Variants in BIRC2 observed in about 807,000 individuals in gnomAD.
BIRC2 encodes the protein baculoviral IAP repeat containing 2.
Under a neutral mutation model 60.9 loss-of-function variants are expected in BIRC2, and 18 were observed. The observed-to-expected ratio is 0.30, with a 90% CI of 0.20 to 0.44. The LOEUF (loss-of-function observed/expected upper bound fraction) is 0.44, where lower values mean the gene tolerates loss of function less well. Ranked by LOEUF, BIRC2 falls within the 20% of genes least tolerant of loss-of-function variation. BIRC2 has a pLI of 1.00. For missense variants in BIRC2, 701 were observed against 728.5 expected (o/e 0.96, Z 0.43); for synonymous variants, 282 against 247.7 (o/e 1.14, Z -1.30).
chr11:102,363,079 T>A, intron 4 of BIRC2, 105 bp downstream of exon 4: 1 of 809,186 alleles, frequency 1.2e-6, no homozygotes, highest in Non-Finnish European at 2.0e-6. Flanking sequence ...TTGAAAGTCA[T>A]GGCCAAAACC....
At chr11:102,376,485 G>C (rs1245939285) in intron 6 of BIRC2, among the ~76,000 whole-genome samples, 1 of 152,156 alleles carries the variant, frequency 6.6e-6, no homozygotes, top group Non-Finnish European at 1.5e-5. Flanking sequence ...ATAGGCTTCT[G>C]TTTTTATAAT....
At chr11:102,355,350 A>G (rs1411248623) in intron 3 of BIRC2, among the ~76,000 whole-genome samples, 2 of 152,158 alleles carry the variant, frequency 1.3e-5, no homozygotes, top group African/African-American at 4.8e-5. Context: ...CAGTTTTCCC[A>G]ACACCGTTTG....
intron 5 of BIRC2, among the ~76,000 whole-genome samples, chr11:102,367,767 C>G (rs907927723): frequency 1.3e-5 from 2 of 152,274 alleles, no homozygotes; most frequent in African/African-American, 2.4e-5. Context: ...TTCACTACAT[C>G]TTCTGGGTGA....
At chr11:102,369,539 C>T (rs1329474439) in intron 6 of BIRC2, among the ~76,000 whole-genome samples, 2 of 148,574 alleles carry the variant, frequency 1.3e-5, no homozygotes, top group African/African-American at 5.0e-5. Flanking sequence ...GTATATGTGC[C>T]ACATTTTCTT....
rs1951346526 is a variant in BIRC2 at position 102,350,510 on chromosome 11, C to G, written c.656C>G (p.Ala219Gly). The G allele has an allele frequency of 6.2e-7, 1 of 1,614,182 alleles. No homozygotes were observed. Among genetic ancestry groups the G allele is most frequent in the Admixed American group, 1.7e-5 (1 of 60,012 alleles). ...TATATAGGACCTGGAGATAGGGTAG[C>G]CTGCTTTGCCTGTGGTGGGAAGCTC... ...FYYIGPGDRV[A>G]CFACGGKLSN... is the part of the protein sequence containing the mutation. The change falls in exon 2 of 9, where the codon GCC (alanine) becomes GGC (glycine). Residue 219 changes from alanine to glycine, a missense_variant. Ala to Gly is a moderately conservative substitution (Grantham distance 60, BLOSUM62 0). Around this residue, in one of 4 missense-constraint regions of BIRC2, gnomAD observed 375 missense variants for 365.9 expected, o/e 1.02. Transcript: ENST00000227758.
At chr11:102,351,304 T>TA (rs1228501462) in intron 3 of BIRC2, among the ~76,000 whole-genome samples, 1 of 152,124 alleles carries the variant, frequency 6.6e-6, no homozygotes, top group Non-Finnish European at 1.5e-5. Flanking sequence ...AAGTCAAATG[T>TA]AAAAGTCCAT....
chr11:102,353,348 CAG>C (rs1359022341), intron 3 of BIRC2, among the ~76,000 whole-genome samples: 1 of 151,966 alleles, frequency 6.6e-6, no homozygotes, highest in Admixed American at 6.5e-5. Flanking sequence ...TTTTTTGAGA[CAG>C]TGTCTCATTC....
Position 102,349,748 on chromosome 11 carries a change from T to G in BIRC2, c.-107T>G. 2 of 1,165,882 alleles carry G rather than the reference T, an allele frequency of 1.7e-6. No homozygotes were observed. Among genetic ancestry groups the G allele is most frequent in the East Asian group, 2.4e-5 (1 of 41,490 alleles). The allele number at this position is 1,165,882 out of a possible 1,614,324, so 72.2% of individuals were successfully genotyped here. A position where few individuals can be genotyped will look rare whatever the true frequency, so the allele number is the denominator to read the frequency against. On this transcript the variant is annotated 5_prime_UTR_variant, in exon 2 of 9. In the 5' UTR this introduces an upstream ATG that the reference lacks. Transcript: ENST00000227758. ...ATCCAGTAAAGAAAGTGTAGTAAAT[T>G]CTACATAAGAGTCTATCATTGATTT...
intron 6 of BIRC2, among the ~76,000 whole-genome samples, chr11:102,372,628 A>G (rs538478953): frequency 2.1e-5 from 3 of 143,238 alleles, no homozygotes; most frequent in East Asian, 2.0e-4. Flanking sequence ...TGGTGCTGAA[A>G]AAAATGTATA....
chr11:102,372,050 TTC>T (rs1471054187), intron 6 of BIRC2, among the ~76,000 whole-genome samples: 2 of 152,228 alleles, frequency 1.3e-5, no homozygotes, highest in East Asian at 1.9e-4. Flanking sequence ...TATTTGATTC[TTC>T]TCTCTTTTCT....
intron 3 of BIRC2, among the ~76,000 whole-genome samples, chr11:102,353,366 C>G (rs962610433): frequency 1.3e-5 from 2 of 152,132 alleles, no homozygotes; most frequent in Admixed American, 1.3e-4. Flanking sequence ...CATTCCATCA[C>G]CTATCACTGC....
intron 3 of BIRC2, among the ~76,000 whole-genome samples, chr11:102,360,245 T>C (rs1238009343): frequency 6.6e-6 from 1 of 152,186 alleles, no homozygotes; most frequent in Non-Finnish European, 1.5e-5. Flanking sequence ...GGATTACAGG[T>C]GTGAGCCATC....
chr11:102,362,994 T>G lies in BIRC2; in HGVS notation c.1074+20T>G. On this transcript the variant is annotated intron_variant, in intron 4 of 8. Coordinates refer to ENST00000227758, the MANE Select transcript of BIRC2 (RefSeq NM_001166.5). ...GAACAGGTAAATACATTTTTAAAAT[T>G]AACAACATTGAATTCTGCTTTATAA... 1.3e-6 allele frequency: 2 copies of G among 1,526,346 alleles called. No individual in the cohort carries two copies. Among genetic ancestry groups the G allele is most frequent in the African/African-American group, 1.4e-5 (1 of 73,116 alleles). The allele number at this position is 1,526,346 out of a possible 1,614,324, so 94.6% of individuals were successfully genotyped here.
chr11:102,355,727 A>G (rs918882058), intron 3 of BIRC2, among the ~76,000 whole-genome samples: 1 of 152,200 alleles, frequency 6.6e-6, no homozygotes, highest in African/African-American at 2.4e-5. Context: ...TTTTAACAAT[A>G]TTCTTATAAT....
intron 3 of BIRC2, among the ~76,000 whole-genome samples, chr11:102,354,599 T>C (rs553320957): frequency 6.6e-6 from 1 of 152,348 alleles, no homozygotes; most frequent in Non-Finnish European, 1.5e-5. Context: ...TTTCATTTCC[T>C]TCAGATATGT....
Position 102,349,995 on chromosome 11 carries a change from C to T in BIRC2, c.141C>T (p.Leu47=). The change falls in exon 2 of 9, where the codon CTC becomes CTT. Residue 47 remains leucine, a synonymous_variant. Coordinates refer to ENST00000227758, the MANE Select transcript of BIRC2 (RefSeq NM_001166.5). ...QKMKYDFSCE[L]YRMSTYSTFP... ...TGAAGTATGACTTTTCCTGTGAACT[C>T]TACAGAATGTCTACATATTCAACTT... 6.2e-7 allele frequency: 1 copy of T among 1,614,204 alleles called. No individual in the cohort carries two copies. Among genetic ancestry groups the T allele is most frequent in the Non-Finnish European group, 8.5e-7 (1 of 1,180,030 alleles).
intron 5 of BIRC2, among the ~76,000 whole-genome samples, chr11:102,365,745 T>A (rs959011020): frequency 2.0e-5 from 3 of 146,402 alleles, no homozygotes; most frequent in Admixed American, 1.4e-4. Context: ...TTCAGCTAAG[T>A]GTGTGTGTGT....
intron 3 of BIRC2, among the ~76,000 whole-genome samples, chr11:102,355,660 T>C (rs548130609): frequency 1.2e-4 from 19 of 152,278 alleles, no homozygotes; most frequent in Admixed American, 3.9e-4. Context: ...AAAAAAGTCA[T>C]TGGAATTTTG....
At chr11:102,366,441 A>G (rs1304789437) in intron 5 of BIRC2, among the ~76,000 whole-genome samples, 1 of 150,270 alleles carries the variant, frequency 6.7e-6, no homozygotes, top group African/African-American at 2.5e-5. Context: ...ATTTTGGCTC[A>G]CTGGAAGCTC....
Sources: allele counts gnomAD v4.1 joint callset (sites outside exome capture counted in the v4.1 genomes callset), GRCh38; gene constraint gnomAD v4.1.1; regional missense constraint gnomAD v4.1.1; transcripts MANE v1.5; gene names NCBI Gene and HGNC (gene_info 2026-07-23, HGNC 2026-07-21).